The following DLGAP1 variants were observed in gnomAD, a reference collection of about 807,000 sequenced individuals.
DLGAP1 encodes DLG associated protein 1, also known as disks large-associated protein 1.
A neutral mutation model predicts 90.8 loss-of-function variants in DLGAP1; 11 were observed. The observed-to-expected ratio is 0.12, with a 90% CI of 0.08 to 0.20. The LOEUF is 0.20. DLGAP1 is among the 10% of genes least tolerant of loss of function. The pLI is 1.00. For synonymous variants in DLGAP1, 558 were observed against 540.7 expected, an observed-to-expected ratio of 1.03 and a Z score of -0.44; for missense variants, 1,050 against 1,333.8, an observed-to-expected ratio of 0.79 and a Z score of 3.31.
intron 1 of DLGAP1, among the ~76,000 whole-genome samples, chr18:4,201,917 G>A (rs2077615479): frequency 6.6e-6 from 1 of 152,020 alleles, no homozygotes; most frequent in Admixed American, 6.6e-5. Context: ...CAGTATAAAA[G>A]ATTTCTCAAA....
intron 5 of DLGAP1, among the ~76,000 whole-genome samples, chr18:3,805,639 C>T (rs558032548): frequency 6.6e-6 from 1 of 152,296 alleles, no homozygotes; most frequent in South Asian, 2.1e-4. Flanking sequence ...ATCTCTTCTT[C>T]CTGAATGCTG....
chr18:3,520,715 T>A (rs1169703898), intron 10 of DLGAP1, among the ~76,000 whole-genome samples: 1 of 152,214 alleles, frequency 6.6e-6, no homozygotes, highest in Non-Finnish European at 1.5e-5. Flanking sequence ...AATTAATTTC[T>A]CCTGTTTAAG....
intron 7 of DLGAP1, among the ~76,000 whole-genome samples, chr18:3,670,877 G>C (rs1301398453): frequency 1.3e-5 from 2 of 152,170 alleles, no homozygotes; most frequent in Non-Finnish European, 2.9e-5. Context: ...CAATCTGTTA[G>C]TTTTATTTTA....
At chr18:4,324,531 T>C (rs1276370873) in intron 1 of DLGAP1, among the ~76,000 whole-genome samples, 2 of 151,660 alleles carry the variant, frequency 1.3e-5, no homozygotes, top group Admixed American at 1.3e-4. Context: ...GCCAATATCA[T>C]CCAGATACCA....
intron 1 of DLGAP1, among the ~76,000 whole-genome samples, chr18:4,424,885 C>T (rs940415048): frequency 2.6e-5 from 4 of 152,100 alleles, no homozygotes; most frequent in African/African-American, 9.7e-5. Flanking sequence ...ATTTCCCTAG[C>T]AGCATCCATC....
intron 2 of DLGAP1, among the ~76,000 whole-genome samples, chr18:4,060,331 T>C (rs2143273871): frequency 6.6e-6 from 1 of 152,264 alleles, no homozygotes; most frequent in African/African-American, 2.4e-5. Flanking sequence ...TGGCACCCCC[T>C]CCCTCTAAAA....
At chr18:3,849,442 C>T (rs1264240616) in intron 4 of DLGAP1, among the ~76,000 whole-genome samples, 1 of 152,080 alleles carries the variant, frequency 6.6e-6, no homozygotes. Flanking sequence ...GAAATAAACA[C>T]TTTGAGATCA....
chr18:3,566,973 G>C (rs1161946225), intron 9 of DLGAP1, among the ~76,000 whole-genome samples: 2 of 152,026 alleles, frequency 1.3e-5, no homozygotes, highest in Admixed American at 1.3e-4. Context: ...TAGATACTAA[G>C]GCTCTAAAGT....
chr18:3,807,255 C>T (rs902336468), intron 5 of DLGAP1, among the ~76,000 whole-genome samples: 1 of 152,188 alleles, frequency 6.6e-6, no homozygotes, highest in Non-Finnish European at 1.5e-5. Context: ...TACCACTTCT[C>T]AGTTGTCCAC....
intron 1 of DLGAP1, among the ~76,000 whole-genome samples, chr18:4,426,102 GATAAAAGTTCTCC>G (rs764264275): frequency 5.3e-5 from 8 of 152,172 alleles, no homozygotes; most frequent in Non-Finnish European, 7.3e-5. Flanking sequence ...AAAGGCAAAA[GATAAAAGTTCTCC>G]ATAGAGCAGC....
chr18:3,736,642 C>T (rs2147561791), intron 6 of DLGAP1, among the ~76,000 whole-genome samples: 1 of 152,300 alleles, frequency 6.6e-6, no homozygotes, highest in African/African-American at 2.4e-5. Flanking sequence ...AGTAGCATTG[C>T]TTTGAAGAGG....
chr18:3,973,188 A>G (rs551470948), intron 3 of DLGAP1, among the ~76,000 whole-genome samples: 71 of 152,118 alleles, frequency 4.7e-4, no homozygotes, highest in South Asian at 2.3e-3. Flanking sequence ...CCTAGATTCT[A>G]TAAGGAACAC....
intron 3 of DLGAP1, among the ~76,000 whole-genome samples, chr18:3,915,865 T>C (rs976154918): frequency 6.6e-6 from 1 of 152,202 alleles, no homozygotes; most frequent in Non-Finnish European, 1.5e-5. Context: ...TAGGAAAGAA[T>C]AGTAAGTCCT....
chr18:4,177,464 T>C (rs1313636809), intron 1 of DLGAP1, among the ~76,000 whole-genome samples: 10 of 152,098 alleles, frequency 6.6e-5, no homozygotes, highest in Non-Finnish European at 1.3e-4. Context: ...GGTTCTTTTT[T>C]TGTTTTAACT....
chr18:3,856,856 G>A (rs533397347), intron 4 of DLGAP1, among the ~76,000 whole-genome samples: 117 of 151,062 alleles, frequency 7.7e-4, no homozygotes, highest in African/African-American at 2.7e-3. Context: ...GCAAGACTCC[G>A]TCCCCCTCCA....
chr18:4,226,435 T>C (rs1357362372), intron 1 of DLGAP1, among the ~76,000 whole-genome samples: 1 of 152,010 alleles, frequency 6.6e-6, no homozygotes, highest in Non-Finnish European at 1.5e-5. Flanking sequence ...TTTTCATATC[T>C]TGAGTAGAAA....
At chr18:3,695,065 G>A (rs1296080373) in intron 7 of DLGAP1, among the ~76,000 whole-genome samples, 4 of 150,464 alleles carry the variant, frequency 2.7e-5, no homozygotes, top group Admixed American at 6.7e-5. Flanking sequence ...TCAGCCTCCC[G>A]AGTAGCTGGG....
chr18:3,792,724 C>T (rs938571776), intron 5 of DLGAP1, among the ~76,000 whole-genome samples: 2 of 152,178 alleles, frequency 1.3e-5, no homozygotes, highest in Non-Finnish European at 2.9e-5. Flanking sequence ...CTTTGGGCAC[C>T]TGTGTCAGCC....
Position 4,150,250 on chromosome 18 carries a change from C to T in DLGAP1, c.-159+930G>A, listed in dbSNP as rs75045600. ...CTTATTATTCAGCAATATGAATCTC[C>T]TTCTGATCTGACACCACTTCTGTAG... On this transcript the variant is annotated intron_variant, in intron 2 of 12. Transcript: ENST00000315677. 1.8e-3 allele frequency among the ~76,000 whole-genome samples: 280 copies of T among 152,314 alleles called. 5 individuals are homozygous for T. In the East Asian group the frequency reaches 0.053, roughly 29 times the overall value.
Sources: gnomAD v4.1 joint callset for allele counts (sites outside exome capture counted in the v4.1 genomes callset) on GRCh38, gnomAD v4.1.1 for gene constraint, MANE v1.5 for transcripts, NCBI Gene and HGNC (gene_info 2026-07-23, HGNC 2026-07-21) for gene names.